The following HACE1 variants were observed in gnomAD, a reference collection of about 807,000 sequenced individuals.
HACE1 encodes E3 ubiquitin-protein ligase HACE1.
Under a neutral mutation model 118.4 loss-of-function variants are expected in HACE1, and 73 were observed. The ratio of observed to expected loss-of-function variants is 0.62; its 90% CI spans 0.51 to 0.75. The LOEUF is 0.75. Among genes scored for constraint, HACE1 ranks in the 30% least tolerant of loss-of-function variants. The pLI, the probability that HACE1 is intolerant of heterozygous loss-of-function variation, is 0.00. For missense variants in HACE1, 749 were observed against 1,102.2 expected (o/e 0.68, Z 4.54); for synonymous variants, 368 against 374.8 (o/e 0.98, Z 0.21).
chr6:104,794,350 G>A (rs1783384865), intron 10 of HACE1, among the ~76,000 whole-genome samples: 1 of 152,112 alleles, frequency 6.6e-6, no homozygotes, highest in South Asian at 2.1e-4. Context: ...GTTTTCTAAT[G>A]TAGGAAAACA....
chr6:104,850,519 T>C (rs1776100385), intron 3 of HACE1, among the ~76,000 whole-genome samples: 1 of 152,234 alleles, frequency 6.6e-6, no homozygotes, highest in Non-Finnish European at 1.5e-5. Flanking sequence ...ACCAGGAGAC[T>C]GTAGATAAAA....
chr6:104,845,476 C>CA (rs1775564371), intron 4 of HACE1, among the ~76,000 whole-genome samples: 1 of 134,114 alleles, frequency 7.5e-6, no homozygotes, highest in African/African-American at 2.8e-5. Flanking sequence ...TCTGGGTAAA[C>CA]TTTTTTTTTT....
intron 17 of HACE1, among the ~76,000 whole-genome samples, chr6:104,773,821 A>AG (rs1780891364): frequency 6.6e-6 from 1 of 151,742 alleles, no homozygotes; most frequent in Non-Finnish European, 1.5e-5. Flanking sequence ...AAAAGGAGTA[A>AG]CAGTTTTTAA....
At chr6:104,847,331 T>C (rs1775758445) in intron 4 of HACE1, among the ~76,000 whole-genome samples, 1 of 152,220 alleles carries the variant, frequency 6.6e-6, no homozygotes, top group African/African-American at 2.4e-5. Context: ...CCTTTGTCGA[T>C]ACCCTATCAA....
chr6:104,776,625 T>C (rs1004914554), intron 17 of HACE1, 116 bp downstream of exon 17: 3 of 729,258 alleles, frequency 4.1e-6, no homozygotes, highest in Non-Finnish European at 5.0e-6. Flanking sequence ...ATCTATAAAA[T>C]AAGAATATCC....
chr6:104,775,224 A>G (rs1395506125), intron 17 of HACE1, among the ~76,000 whole-genome samples: 2 of 151,984 alleles, frequency 1.3e-5, no homozygotes, highest in Non-Finnish European at 2.9e-5. Context: ...GCCAGGCGCC[A>G]TGGCTGGTCT....
In HACE1 at chr6:104,744,587, T is replaced by G; in HGVS notation, c.2367A>C (p.Pro789=). The change falls in exon 21 of 24, where the codon CCA becomes CCC. Residue 789 remains proline (P), a synonymous_variant. Transcript: ENST00000262903. ...YELELLLSGM[P]EIDVSDWIKN... ...TTATCCAATCACTCACATCAATTTCTGGCATGCCAGAAAGCAGTAGCTCCT... is the reference window on the plus strand; with the variant it reads ...TTATCCAATCACTCACATCAATTTCGGGCATGCCAGAAAGCAGTAGCTCCT... 2 of 1,600,324 alleles carry G rather than the reference T, an allele frequency of 1.2e-6. No individual in the cohort carries two copies. The highest frequency in any genetic ancestry group is 1.7e-6 in the Non-Finnish European group (2 of 1,167,636).
intron 20 of HACE1, 137 bp downstream of exon 20, chr6:104,750,203 TA>T: frequency 1.4e-6 from 1 of 714,458 alleles, no homozygotes; most frequent in African/African-American, 1.8e-5. Context: ...ATCAAATCTC[TA>T]AAAATGGACA....
chr6:104,771,429 G>A (rs1475943078), intron 18 of HACE1, 40 bp from the exon 19 acceptor site: 2 of 1,349,976 alleles, frequency 1.5e-6, no homozygotes, highest in Non-Finnish European at 2.1e-6. Flanking sequence ...GTCTGGTTTT[G>A]CCTTCCCTTA....
chr6:104,835,385 G>A (rs1582708313), intron 5 of HACE1, among the ~76,000 whole-genome samples: 1 of 152,216 alleles, frequency 6.6e-6, no homozygotes, highest in Non-Finnish European at 1.5e-5. Flanking sequence ...GTCAGAGGGA[G>A]AACATACTGA....
At chr6:104,809,894 AT>A (rs992311627) in intron 7 of HACE1, among the ~76,000 whole-genome samples, 1 of 152,128 alleles carries the variant, frequency 6.6e-6, no homozygotes, top group Non-Finnish European at 1.5e-5. Flanking sequence ...GAAATAAAAA[AT>A]AACCTAATTA....
intron 19 of HACE1, among the ~76,000 whole-genome samples, chr6:104,756,965 C>T (rs1034353829): frequency 2.6e-5 from 4 of 152,180 alleles, no homozygotes; most frequent in Non-Finnish European, 5.9e-5. Flanking sequence ...CTGAGATTGA[C>T]CTGGGTCGCT....
In HACE1 at chr6:104,731,871, A is replaced by G. The variant is rs1400728569; in HGVS notation, c.2514-1455T>C. On this transcript the variant is annotated intron_variant, in intron 22 of 23. Transcript: ENST00000262903. ...AGAACATACAAAGAATTCCCATAGA[A>G]AAAAAAAAAAATCCCGATTAAAAAT... 18 of 79,952 alleles carry G rather than the reference A, an allele frequency of 2.3e-4. No individual in the cohort carries two copies. In the East Asian group the frequency reaches 5.6e-3, roughly 25 times the overall value. 5.0% of individuals were successfully genotyped at this position (79,952 alleles called of 1,614,324 possible). A position where few individuals can be genotyped will look rare whatever the true frequency, so the allele number is the denominator to read the frequency against.
chr6:104,795,551 T>C (rs1256973711), intron 10 of HACE1, 28 bp downstream of exon 10: 5 of 1,271,964 alleles, frequency 3.9e-6, no homozygotes, highest in Non-Finnish European at 5.8e-6. Flanking sequence ...TGCTACCTAT[T>C]GATTTCCTCT....
At chr6:104,781,897 C>G (rs1234294094) in intron 14 of HACE1, among the ~76,000 whole-genome samples, 2 of 152,176 alleles carry the variant, frequency 1.3e-5, no homozygotes, top group Non-Finnish European at 1.5e-5. Flanking sequence ...ACACCTCCCT[C>G]TCTGGGTCAA....
intron 19 of HACE1, among the ~76,000 whole-genome samples, chr6:104,764,426 G>C (rs1280230247): frequency 6.6e-6 from 1 of 152,200 alleles, no homozygotes; most frequent in South Asian, 2.1e-4. Context: ...TGAGAGGACA[G>C]CAAGTGGGTC....
At chr6:104,800,502 G>A (rs1314003445) in intron 7 of HACE1, among the ~76,000 whole-genome samples, 2 of 152,140 alleles carry the variant, frequency 1.3e-5, no homozygotes, top group Non-Finnish European at 2.9e-5. Flanking sequence ...GCCCCTCTGG[G>A]ATGAAGCTTC....
At chr6:104,778,618 C>T (rs563541179) in intron 14 of HACE1, among the ~76,000 whole-genome samples, 87 of 151,162 alleles carry the variant, frequency 5.8e-4, no homozygotes, top group Non-Finnish European at 1.0e-3. Flanking sequence ...AACAGTGAGA[C>T]CCTGTCTCTA....
Position 104,859,750 on chromosome 6 carries a change from C to T in HACE1, c.-108G>A. Reference sequence around the variant, plus strand: ...CCCGTCCAGCAGGCGGAGACGCGGGCTTGCCCCGGCTAGAGCACTGAGCTG... The same window carrying T: ...CCCGTCCAGCAGGCGGAGACGCGGGTTTGCCCCGGCTAGAGCACTGAGCTG... On this transcript the variant is annotated 5_prime_UTR_variant, in exon 1 of 24. Coordinates refer to ENST00000262903, the MANE Select transcript of HACE1 (RefSeq NM_020771.4). The T allele has an allele frequency of 9.6e-7, 1 of 1,037,658 alleles. No individual in the cohort carries two copies. The highest frequency in any genetic ancestry group is 3.0e-4 in the Middle Eastern group (1 of 3,388). The allele number at this position is 1,037,658 out of a possible 1,614,324, so 64.3% of individuals were successfully genotyped here.
Sources: gnomAD v4.1 joint callset for allele counts (sites outside exome capture counted in the v4.1 genomes callset) on GRCh38, gnomAD v4.1.1 for gene constraint, MANE v1.5 for transcripts, NCBI Gene and HGNC (gene_info 2026-07-23, HGNC 2026-07-21) for gene names.